Variants in OSBPL10 observed in about 807,000 individuals in gnomAD.
OSBPL10 encodes oxysterol binding protein like 10, also known as oxysterol-binding protein-related protein 10.
A neutral mutation model predicts 81.7 loss-of-function variants in OSBPL10; 49 were observed. That is an observed-to-expected ratio of 0.60 (90% CI 0.48 to 0.76). The LOEUF is 0.76. OSBPL10 is among the 30% of genes least tolerant of loss of function. OSBPL10 has a pLI of 0.00. For missense variants in OSBPL10, 923 were observed against 987.8 expected (o/e 0.93, Z 0.88); for synonymous variants, 419 against 383.6 (o/e 1.09, Z -1.08).
chr3:31,799,589 G>C (rs775827832), intron 4 of OSBPL10, among the ~76,000 whole-genome samples: 7 of 152,026 alleles, frequency 4.6e-5, no homozygotes, highest in Non-Finnish European at 8.8e-5. Flanking sequence ...AGATGAATTA[G>C]TCACAGTCCC....
intron 2 of OSBPL10, among the ~76,000 whole-genome samples, chr3:32,014,252 C>G (rs1699291703): frequency 6.6e-6 from 1 of 152,182 alleles, no homozygotes; most frequent in South Asian, 2.1e-4. Flanking sequence ...CCACCATGAT[C>G]AAGTGGGCTT....
intron 1 of OSBPL10, among the ~76,000 whole-genome samples, chr3:31,931,875 G>A (rs947667648): frequency 6.6e-5 from 10 of 151,884 alleles, no homozygotes; most frequent in Non-Finnish European, 1.0e-4. Context: ...CCCAGAGTTC[G>A]AGACCAGCCT....
chr3:31,975,278 C>T (rs2125497835), intron 1 of OSBPL10, among the ~76,000 whole-genome samples: 1 of 152,256 alleles, frequency 6.6e-6, no homozygotes, highest in South Asian at 2.1e-4. Flanking sequence ...TGGCAGACTA[C>T]ACAGGAAGAT....
At chr3:31,853,340 C>T (rs536857990) in intron 3 of OSBPL10, among the ~76,000 whole-genome samples, 1 of 152,172 alleles carries the variant, frequency 6.6e-6, no homozygotes, top group East Asian at 1.9e-4. Flanking sequence ...TCCTGATAAC[C>T]TGTCTAGGTT....
intron 2 of OSBPL10, among the ~76,000 whole-genome samples, chr3:32,040,469 A>G (rs142400039): frequency 0.014 from 2,095 of 152,188 alleles, 21 homozygotes; most frequent in Non-Finnish European, 0.02. Flanking sequence ...ACAGCCACTC[A>G]GGAGGCTGAG....
At chr3:31,919,574 A>T (rs914730999) in intron 1 of OSBPL10, 2 of 152,206 alleles carry the variant, frequency 1.3e-5, no homozygotes, top group Non-Finnish European at 1.5e-5. Context: ...GAATTCCAGG[A>T]ATGTGCTCAT....
Position 31,661,904 on chromosome 3 carries a change from G to T in OSBPL10, c.*168C>A. 1.0e-6 allele frequency: 1 copy of T among 972,570 alleles called. No homozygotes were observed. Among genetic ancestry groups the T allele is most frequent in the Non-Finnish European group, 1.5e-6 (1 of 670,372 alleles). 60.2% of individuals were successfully genotyped at this position (972,570 alleles called of 1,614,324 possible). Reference sequence around the variant, plus strand: ...GCTCTTGAATAAATTCATTCCTCTAGCAGAGTGTGGGGGTGCACTTTTCAT... The same window carrying T: ...GCTCTTGAATAAATTCATTCCTCTATCAGAGTGTGGGGGTGCACTTTTCAT... On this transcript the variant is annotated 3_prime_UTR_variant, in exon 12 of 12. Coordinates refer to ENST00000396556, the MANE Select transcript of OSBPL10 (RefSeq NM_017784.5).
At chr3:31,766,001 A>G (rs1698183695) in intron 4 of OSBPL10, among the ~76,000 whole-genome samples, 1 of 151,908 alleles carries the variant, frequency 6.6e-6, no homozygotes, top group African/African-American at 2.4e-5. Flanking sequence ...ATTTCTCTCT[A>G]TCCCCTGGTC....
intron 2 of OSBPL10, among the ~76,000 whole-genome samples, chr3:31,996,020 AAAG>A: frequency 6.6e-6 from 1 of 152,314 alleles, no homozygotes; most frequent in Middle Eastern, 3.4e-3. Flanking sequence ...AAACTCAAAA[AAAG>A]GAGACTCCCA....
At chr3:31,779,061 A>G (rs1199959795) in intron 4 of OSBPL10, among the ~76,000 whole-genome samples, 1 of 152,184 alleles carries the variant, frequency 6.6e-6, no homozygotes, top group Non-Finnish European at 1.5e-5. Flanking sequence ...AAAAATGCTA[A>G]AAGGAGTTCT....
chr3:32,042,944 G>T (rs761893455), intron 2 of OSBPL10, among the ~76,000 whole-genome samples: 9 of 152,002 alleles, frequency 5.9e-5, no homozygotes, highest in Non-Finnish European at 1.3e-4. Context: ...TACTGATAAG[G>T]GTCTATGTTC....
intron 1 of OSBPL10, among the ~76,000 whole-genome samples, chr3:31,936,652 T>C (rs13093442): frequency 0.21 from 31,863 of 152,162 alleles, 3,908 homozygotes; most frequent in Non-Finnish European, 0.28. Context: ...GTTGTCTGTT[T>C]TGGAAGGGAA....
intron 2 of OSBPL10, among the ~76,000 whole-genome samples, chr3:32,004,582 G>T (rs770820960): frequency 6.6e-6 from 1 of 152,070 alleles, no homozygotes; most frequent in Non-Finnish European, 1.5e-5. Context: ...CACATTCTTC[G>T]GTTCCTCTGC....
upstream of OSBPL10, among the ~76,000 whole-genome samples, chr3:31,985,538 G>A (rs1698922607): frequency 6.6e-6 from 1 of 152,168 alleles, no homozygotes; most frequent in Admixed American, 6.5e-5. Flanking sequence ...GGCTGGTCTG[G>A]AGTTTCTAGT....
chr3:32,010,612 C>T (rs553346035), intron 2 of OSBPL10, among the ~76,000 whole-genome samples: 13 of 152,248 alleles, frequency 8.5e-5, no homozygotes, highest in Non-Finnish European at 1.3e-4. Flanking sequence ...GTGGGTGCAG[C>T]GCACTGAGCA....
chr3:31,832,354 T>C (rs2125534212), intron 3 of OSBPL10, among the ~76,000 whole-genome samples: 1 of 152,286 alleles, frequency 6.6e-6, no homozygotes, highest in Middle Eastern at 3.4e-3. Context: ...CTTTGAACTA[T>C]ACGTATGTAT....
intron 2 of OSBPL10, among the ~76,000 whole-genome samples, chr3:31,999,386 G>T: frequency 8.1e-6 from 1 of 123,090 alleles, no homozygotes; most frequent in African/African-American, 3.4e-5. Context: ...TTTGAGACAA[G>T]GTCTCACTCT....
chr3:31,998,252 T>G (rs1373146780), intron 2 of OSBPL10, among the ~76,000 whole-genome samples: 1 of 152,196 alleles, frequency 6.6e-6, no homozygotes, highest in African/African-American at 2.4e-5. Context: ...GCATTTTTTT[T>G]GCCCCCAGAT....
At chr3:32,013,358 G>A (rs562447349) in intron 2 of OSBPL10, among the ~76,000 whole-genome samples, 10 of 152,078 alleles carry the variant, frequency 6.6e-5, no homozygotes, top group Non-Finnish European at 1.2e-4. Context: ...CATACATAAC[G>A]AAATGAAGGC....
Sources: gnomAD v4.1 joint callset for allele counts (sites outside exome capture counted in the v4.1 genomes callset) on GRCh38, gnomAD v4.1.1 for gene constraint, MANE v1.5 for transcripts, NCBI Gene and HGNC (gene_info 2026-07-23, HGNC 2026-07-21) for gene names.